The following GUCY2C variants were observed in gnomAD, a reference collection of about 807,000 sequenced individuals.
GUCY2C encodes guanylyl cyclase C.
Under a neutral mutation model 131.1 loss-of-function variants are expected in GUCY2C, and 118 were observed. The ratio of observed to expected loss-of-function variants is 0.90; its 90% CI spans 0.78 to 1.05. GUCY2C has a LOEUF of 1.05. Ranked by LOEUF, GUCY2C falls within the 50% of genes least tolerant of loss-of-function variation. The pLI is 0.00. For missense variants in GUCY2C, 1,161 were observed against 1,304.4 expected (o/e 0.89, Z 1.69); for synonymous variants, 452 against 457.8 (o/e 0.99, Z 0.16).
chr12:14,633,719 A>G (rs1947202424), intron 19 of GUCY2C, among the ~76,000 whole-genome samples: 1 of 152,022 alleles, frequency 6.6e-6, no homozygotes, highest in Admixed American at 6.5e-5. Flanking sequence ...GATACCATAA[A>G]AAAGAATAAA....
At chr12:14,681,754 G>A (rs531063917) in intron 4 of GUCY2C, among the ~76,000 whole-genome samples, 1 of 152,274 alleles carries the variant, frequency 6.6e-6, no homozygotes, top group East Asian at 1.9e-4. Flanking sequence ...AAGCAATTTT[G>A]TGAATATGTG....
At chr12:14,676,293 T>C (rs773997825) in intron 7 of GUCY2C, among the ~76,000 whole-genome samples, 12 of 152,224 alleles carry the variant, frequency 7.9e-5, no homozygotes, top group Non-Finnish European at 1.6e-4. Flanking sequence ...CTCTTTTTCC[T>C]GCACAAATGC....
intron 10 of GUCY2C, chr12:14,666,077 G>C (rs1258877640): frequency 2.0e-5 from 3 of 152,272 alleles, no homozygotes; most frequent in African/African-American, 7.2e-5. Flanking sequence ...ATATAGGGAG[G>C]CTTCAGGAGG....
chr12:14,671,232 G>C (rs896580395), intron 9 of GUCY2C, among the ~76,000 whole-genome samples: 4 of 152,064 alleles, frequency 2.6e-5, no homozygotes, highest in Non-Finnish European at 5.9e-5. Context: ...CTGCCTCCCA[G>C]GTTCAAATGA....
At chr12:14,688,694 C>T (rs1041623564) in intron 1 of GUCY2C, among the ~76,000 whole-genome samples, 6 of 152,234 alleles carry the variant, frequency 3.9e-5, no homozygotes, top group African/African-American at 1.4e-4. Flanking sequence ...AATAGGCTTA[C>T]ATTTTCTTTG....
chr12:14,625,411 T>G (rs1946990084), intron 21 of GUCY2C, among the ~76,000 whole-genome samples: 1 of 149,752 alleles, frequency 6.7e-6, no homozygotes. Context: ...CACTGCAACC[T>G]CCGCATCTTG....
chr12:14,683,596 T>C (rs1212530039), intron 3 of GUCY2C, among the ~76,000 whole-genome samples: 1 of 152,158 alleles, frequency 6.6e-6, no homozygotes, highest in Non-Finnish European at 1.5e-5. Context: ...GCCACCATAG[T>C]TGTTGTAAAG....
Position 14,686,029 on chromosome 12 carries a change from C to A in GUCY2C, c.395+132G>T. ...GGAAGTTACCTGGATAAGAGAATGA[C>A]AGTTATGGGGAGATGGCAAAATACT... On this transcript the variant is annotated intron_variant, in intron 3 of 26. Coordinates refer to ENST00000261170, the MANE Select transcript of GUCY2C (RefSeq NM_004963.4). 3 of 611,932 alleles carry A rather than the reference C, an allele frequency of 4.9e-6. No homozygotes were observed. The South Asian group carries it at 6.0e-5, about 12-fold the overall frequency. 37.9% of individuals were successfully genotyped at this position (611,932 alleles called of 1,614,324 possible).
At chr12:14,632,826 C>A (rs1947176857) in intron 19 of GUCY2C, among the ~76,000 whole-genome samples, 2 of 152,272 alleles carry the variant, frequency 1.3e-5, no homozygotes, top group Admixed American at 1.3e-4. Flanking sequence ...GCCCAGTCCA[C>A]CACTGTTGGC....
chr12:14,687,847 A>C, intron 2 of GUCY2C, 104 bp downstream of exon 2: 2 of 698,226 alleles, frequency 2.9e-6, no homozygotes, highest in Admixed American at 2.1e-5. Flanking sequence ...CTATGTGGCT[A>C]GAGATGATGG....
At chr12:14,691,237 T>C (rs1028639246) in intron 1 of GUCY2C, among the ~76,000 whole-genome samples, 1 of 152,196 alleles carries the variant, frequency 6.6e-6, no homozygotes, top group Non-Finnish European at 1.5e-5. Context: ...AGTACTTTGG[T>C]AGGACTAGCC....
chr12:14,631,319 G>A (rs1947141256), intron 19 of GUCY2C, among the ~76,000 whole-genome samples: 2 of 151,824 alleles, frequency 1.3e-5, no homozygotes, highest in African/African-American at 4.8e-5. Flanking sequence ...CCATGCTGGT[G>A]TGCTGCACCA....
At position 14,644,479 on chromosome 12, in the gene GUCY2C, C is replaced by T. The variant is rs114830386; in HGVS notation, c.1797+750G>A. ...TTTTCAGCCTGGATCACAGGAGTGACGTGTGTGGCAAATCGATTTTCATAA... is the reference window on the plus strand; with the variant it reads ...TTTTCAGCCTGGATCACAGGAGTGATGTGTGTGGCAAATCGATTTTCATAA... On this transcript the variant is annotated intron_variant, in intron 16 of 26. Transcript: ENST00000261170. 5.1e-3 allele frequency among the ~76,000 whole-genome samples: 774 copies of T among 152,316 alleles called. 8 individuals carry two copies. Among genetic ancestry groups the T allele is most frequent in the African/African-American group, 0.018 (737 of 41,566 alleles).
At position 14,656,561 on chromosome 12, in the gene GUCY2C, T is replaced by C; in HGVS notation, c.1421A>G (p.Glu474Gly). Residue 474 changes from glutamate to glycine, a missense_variant, in exon 12 of 27, where the codon GAA becomes GGA. By Grantham distance (98) the Glu-to-Gly change is moderately conservative. Transcript: ENST00000261170. ...RQKKWSHIPPENIFPLETNET... is the reference protein window; with the variant it reads ...RQKKWSHIPPGNIFPLETNET... Reference sequence around the variant, plus strand: ...ATTGGTCTCCAGAGGAAAGATATTTTCAGGAGGAATGTGGGACCATTTTTT... The same window carrying C: ...ATTGGTCTCCAGAGGAAAGATATTTCCAGGAGGAATGTGGGACCATTTTTT... 1 of 1,606,230 alleles carries C rather than the reference T, an allele frequency of 6.2e-7. No individual in the cohort carries two copies. Among genetic ancestry groups the C allele is most frequent in the South Asian group, 1.1e-5 (1 of 90,852 alleles).
chr12:14,682,475 C>T (rs930034441), intron 4 of GUCY2C, among the ~76,000 whole-genome samples: 1 of 152,152 alleles, frequency 6.6e-6, no homozygotes, highest in Admixed American at 6.5e-5. Context: ...CCCAGCTATG[C>T]GAAACTGTGA....
At position 14,651,495 on chromosome 12, in the gene GUCY2C, T is replaced by C. The variant is rs745933204; in HGVS notation, c.1622A>G (p.Tyr541Cys). 4 of 1,593,496 alleles carry C rather than the reference T, an allele frequency of 2.5e-6. No individual in the cohort carries two copies. The highest frequency in any genetic ancestry group is 3.4e-6 in the Non-Finnish European group (4 of 1,161,352). ...IELNKLLQID[Y>C]YNLTKFYGTV... ...GCCGTAGAACTTGGTCAGGTTGTAA[T>C]AGTCAATCTGAAGCAACTAGAAGAA... The change falls in exon 15 of 27, where the codon TAT (tyrosine) becomes TGT (cysteine). Residue 541 changes from tyrosine (Y) to cysteine (C), a missense_variant. Coordinates refer to ENST00000261170, the MANE Select transcript of GUCY2C (RefSeq NM_004963.4).
Position 14,653,020 on chromosome 12 carries a change from A to G in GUCY2C, c.1471-6T>C, listed in dbSNP as rs747303976. 2 of 1,604,176 alleles carry G rather than the reference A, an allele frequency of 1.2e-6. No individual in the cohort carries two copies. The highest frequency in any genetic ancestry group is 1.7e-6 in the Non-Finnish European group (2 of 1,170,916). On this transcript the variant is annotated splice_region_variant and splice_polypyrimidine_tract_variant and intron_variant, in intron 12 of 26. Transcript: ENST00000261170. ...CGTCTTTTGTCATCATCGATCTGGC[A>G]CAAGAAAAGGCTAATTATTCCAGAA... is the stretch of plus-strand genomic sequence containing the variant.
chr12:14,652,770 T>A (rs1430121430), intron 13 of GUCY2C, among the ~76,000 whole-genome samples, 182 bp downstream of exon 13: 2 of 152,148 alleles, frequency 1.3e-5, no homozygotes, highest in African/African-American at 2.4e-5. Flanking sequence ...TCCCCAGGAT[T>A]GTGAGTTTTG....
At chr12:14,621,590 A>G (rs1946897875) in intron 22 of GUCY2C, among the ~76,000 whole-genome samples, 1 of 152,194 alleles carries the variant, frequency 6.6e-6, no homozygotes, top group African/African-American at 2.4e-5. Flanking sequence ...TCAACATACT[A>G]TTTAACAGAA....
Sources: allele counts gnomAD v4.1 joint callset (sites outside exome capture counted in the v4.1 genomes callset), GRCh38; gene constraint gnomAD v4.1.1; transcripts MANE v1.5; gene names NCBI Gene and HGNC (gene_info 2026-07-23, HGNC 2026-07-21).